Variants in NEU4 observed in about 807,000 individuals in gnomAD.
NEU4 encodes neuraminidase 4.
NEU4 carries 7 observed loss-of-function variants against 9.9 expected under a neutral mutation model. The ratio of observed to expected loss-of-function variants is 0.71; its 90% CI spans 0.40 to 1.33. The LOEUF is 1.33. Among genes scored for constraint, NEU4 ranks in the 40% most tolerant of loss-of-function variants. The probability of loss-of-function intolerance (pLI) is 0.01; values close to 1 mark genes in which losing one functional copy is unlikely to be tolerated. For synonymous variants in NEU4, 348 were observed against 316.9 expected (o/e 1.10, Z -1.04); for missense variants, 717 against 712.6 (o/e 1.01, Z -0.07).
At chr2:241,812,188 T>G (rs1575378598) in intron 1 of NEU4, among the ~76,000 whole-genome samples, 1 of 63,828 alleles carries the variant, frequency 1.6e-5, no homozygotes, top group Non-Finnish European at 2.9e-5. Flanking sequence ...GGATGGGCTG[T>G]GAGGGGTTGG....
chr2:241,817,180 C>A lies in NEU4; in HGVS notation c.*132C>A. The A allele has an allele frequency of 9.8e-7, 1 of 1,023,248 alleles. No individual in the cohort carries two copies. Among genetic ancestry groups the A allele is most frequent in the South Asian group, 1.7e-5 (1 of 57,716 alleles). The allele number at this position is 1,023,248 out of a possible 1,614,324, so 63.4% of individuals were successfully genotyped here. The stretch of plus-strand genomic sequence containing the variant: ...TGTGGATTAGAAACAAGTTGCTCCT[C>A]AGAGCTCTCAAGCAGGGACTGCTCT... On this transcript the variant is annotated 3_prime_UTR_variant, in exon 4 of 4. Transcript: ENST00000407683.
At chr2:241,811,453 A>G in intron 1 of NEU4, 2 of 1,570,004 alleles carry the variant, frequency 1.3e-6, no homozygotes, top group Non-Finnish European at 1.7e-6. Flanking sequence ...AGCCTTCCCA[A>G]GGTGGCTGGT....
chr2:241,811,021 G>T, intron 1 of NEU4: 2 of 1,050,932 alleles, frequency 1.9e-6, no homozygotes, highest in Non-Finnish European at 2.3e-6. Flanking sequence ...CTGTGCCAGG[G>T]GAGGCCCCGC....
In NEU4 at chr2:241,816,567, G is replaced by C; in HGVS notation, c.974G>C (p.Arg325Pro). The change falls in exon 4 of 4, where the codon CGT (arginine) becomes CCT (proline). Residue 325 changes from arginine to proline, a missense_variant. Physicochemically the swap from Arg to Pro is moderately radical, Grantham distance 103 (BLOSUM62 -2). Coordinates refer to ENST00000407683, the MANE Select transcript of NEU4 (RefSeq NM_001167600.3). The part of the protein sequence containing the change: ...EPPEEAAVDP[R>P]GGQVPGGPFS... ...CCAGAGGAGGCTGCTGTAGACCCCC[G>C]TGGAGGCCAGGTGCCTGGTGGGCCC... The C allele has an allele frequency of 6.2e-7, 1 of 1,608,056 alleles. No individual in the cohort carries two copies. Among genetic ancestry groups the C allele is most frequent in the Non-Finnish European group, 8.5e-7 (1 of 1,178,050 alleles).
intron 1 of NEU4, among the ~76,000 whole-genome samples, chr2:241,813,142 G>A (rs1700183715): frequency 6.6e-6 from 1 of 152,192 alleles, no homozygotes; most frequent in African/African-American, 2.4e-5. Flanking sequence ...GGAGCTGTCT[G>A]TTTGGGCCTC....
chr2:241,814,875 C>T lies in NEU4; in HGVS notation c.202-17C>T, dbSNP rs1382770473. The T allele has an allele frequency of 1.3e-6, 2 of 1,597,508 alleles. No individual in the cohort carries two copies. Among genetic ancestry groups the T allele is most frequent in the Non-Finnish European group, 1.7e-6 (2 of 1,169,374 alleles). ...TCCCTGGACGTCCTGGTCAGCGGAA[C>T]TTCCTCCTCTGGGCAGTGGGGTGCC... On this transcript the variant is annotated splice_polypyrimidine_tract_variant and intron_variant, in intron 2 of 3. Coordinates refer to ENST00000407683, the MANE Select transcript of NEU4 (RefSeq NM_001167600.3).
chr2:241,817,190 A>G lies in NEU4; in HGVS notation c.*142A>G. ...AAACAAGTTGCTCCTCAGAGCTCTC[A>G]AGCAGGGACTGCTCTTTAGGAAGGG... On this transcript the variant is annotated 3_prime_UTR_variant, in exon 4 of 4. Coordinates refer to ENST00000407683, the MANE Select transcript of NEU4 (RefSeq NM_001167600.3). 1.1e-6 allele frequency: 1 copy of G among 908,664 alleles called. No individual in the cohort carries two copies. 56.3% of individuals were successfully genotyped at this position (908,664 alleles called of 1,614,324 possible).
At position 241,816,148 on chromosome 2, in the gene NEU4, G is replaced by C. The variant is rs766106446; in HGVS notation, c.555G>C (p.Glu185Asp). Residue 185 changes from glutamate to aspartate, a missense_variant, in exon 4 of 4, where the codon GAG becomes GAC. Coordinates refer to ENST00000407683, the MANE Select transcript of NEU4 (RefSeq NM_001167600.3). ...ACACCTACCGCGTGGACCGCCGAGA[G>C]TGTTTTGGCAAGATCTGCCGGACCA... is the stretch of plus-strand genomic sequence containing the variant. ...PAYTYRVDRR[E>D]CFGKICRTSP... 6.2e-7 allele frequency: 1 copy of C among 1,612,588 alleles called. No individual in the cohort carries two copies. Among genetic ancestry groups the C allele is most frequent in the Non-Finnish European group, 8.5e-7 (1 of 1,179,844 alleles).
intron 1 of NEU4, among the ~76,000 whole-genome samples, chr2:241,812,597 GA>G (rs1385013826): frequency 5.0e-3 from 220 of 44,064 alleles, no homozygotes; most frequent in African/African-American, 0.014. Context: ...CCCCAAGACA[GA>G]GGGACCTCCT....
rs1176711284 is a variant in NEU4 at position 241,814,968 on chromosome 2, C to T, written c.278C>T (p.Ala93Val). Residue 93 changes from alanine to valine, a missense_variant, in exon 3 of 4, where the codon GCT (alanine) becomes GTT (valine). Coordinates refer to ENST00000407683, the MANE Select transcript of NEU4 (RefSeq NM_001167600.3). ...ATGAACCCCTGCCCTGTGCACGATG[C>T]TGGCACGGGCACCGTCTTCCTCTTC... The part of the protein sequence containing the change: ...RSMNPCPVHD[A>V]GTGTVFLFFI... The T allele has an allele frequency of 1.2e-6, 2 of 1,611,076 alleles. No homozygotes were observed. Among genetic ancestry groups the T allele is most frequent in the African/African-American group, 1.3e-5 (1 of 74,912 alleles).
intron 1 of NEU4, chr2:241,811,946 CT>C (rs1411838246): frequency 6.2e-6 from 1 of 162,438 alleles, no homozygotes; most frequent in Non-Finnish European, 1.3e-5. Flanking sequence ...CGAGGGCCCC[CT>C]GCCGGGATTC....
chr2:241,809,552 G>T (rs918685899), intron 1 of NEU4: 2 of 333,490 alleles, frequency 6.0e-6, no homozygotes, highest in African/African-American at 4.4e-5. Context: ...GCTTCCCCCG[G>T]GTGGCTTTCA....
chr2:241,813,507 C>T (rs1047275244), intron 1 of NEU4: 3 of 1,206,478 alleles, frequency 2.5e-6, no homozygotes, highest in African/African-American at 1.6e-5. Context: ...ACTGAGAGAC[C>T]CCCCAGGCAG....
At position 241,816,479 on chromosome 2, in the gene NEU4, T is replaced by A. The variant is rs753263579; in HGVS notation, c.886T>A (p.Trp296Arg). The A allele has an allele frequency of 6.2e-7, 1 of 1,610,032 alleles. No individual in the cohort carries two copies. The highest frequency in any genetic ancestry group is 8.5e-7 in the Non-Finnish European group (1 of 1,179,132). Residue 296 changes from tryptophan to arginine, a missense_variant, in exon 4 of 4, where the codon TGG becomes AGG. Coordinates refer to ENST00000407683, the MANE Select transcript of NEU4 (RefSeq NM_001167600.3). ...CCCCAACAGGCCACGGGATGACAGT[T>A]GGTCAGTGGGCCCCGGGAGTCCCCT... The part of the protein sequence containing the change: ...PAPNRPRDDS[W>R]SVGPGSPLQP...
At chr2:241,809,593 A>G in intron 1 of NEU4, 1 of 317,038 alleles carries the variant, frequency 3.2e-6, no homozygotes, top group East Asian at 1.0e-4. Flanking sequence ...AGATGGGCCC[A>G]GGGACCTCTG....
chr2:241,814,816 G>C (rs778581386), intron 2 of NEU4, 76 bp from the exon 3 acceptor site: 1 of 1,553,858 alleles, frequency 6.4e-7, no homozygotes, highest in Non-Finnish European at 8.7e-7. Context: ...CAGGCTCAGC[G>C]ATCCTGGGTG....
rs144006230 is a variant in NEU4, at chr2:241,814,948, C to T, written c.258C>T (p.Asn86=). Residue 86 remains asparagine (N), a synonymous_variant, in exon 3 of 4, where the codon AAC becomes AAT. Transcript: ENST00000407683. The part of the protein sequence containing the change: ...TAALAEHRSM[N]PCPVHDAGTG... Reference sequence around the variant, plus strand: ...CCCTGGCGGAGCACCGGTCCATGAACCCCTGCCCTGTGCACGATGCTGGCA... The same window carrying T: ...CCCTGGCGGAGCACCGGTCCATGAATCCCTGCCCTGTGCACGATGCTGGCA... The T allele has an allele frequency of 1.2e-6, 2 of 1,612,054 alleles. No individual in the cohort carries two copies. Among genetic ancestry groups the T allele is most frequent in the East Asian group, 4.5e-5 (2 of 44,876 alleles).
In NEU4 at chr2:241,816,339, T is replaced by C; in HGVS notation, c.746T>C (p.Val249Ala). The C allele has an allele frequency of 6.3e-7, 1 of 1,581,168 alleles. No homozygotes were observed. The highest frequency in any genetic ancestry group is 2.3e-5 in the East Asian group (1 of 42,994). The change falls in exon 4 of 4, where the codon GTG (valine) becomes GCG (alanine). Residue 249 changes from valine (V) to alanine (A), a missense_variant. By Grantham distance (64) the Val-to-Ala change is moderately conservative. Transcript: ENST00000407683. ...GCCCGGAGCCCACTGGGCAGCCGTG[T>C]GCAGGCGCTCAGCACTGACGAGGGC... ...CNARSPLGSR[V>A]QALSTDEGTS...
chr2:241,811,741 G>A (rs1575377964), intron 1 of NEU4: 2 of 381,788 alleles, frequency 5.2e-6, no homozygotes, highest in East Asian at 7.5e-5. Context: ...AGGGTTCCTG[G>A]GGGCAGATTC....
Sources: allele counts gnomAD v4.1 joint callset (sites outside exome capture counted in the v4.1 genomes callset), GRCh38; gene constraint gnomAD v4.1.1; transcripts MANE v1.5; gene names NCBI Gene and HGNC (gene_info 2026-07-23, HGNC 2026-07-21).